The following ARHGAP12 variants were observed in gnomAD, a reference collection of about 807,000 sequenced individuals.
ARHGAP12 encodes rho GTPase-activating protein 12.
In ARHGAP12, 64 loss-of-function variants were observed where a neutral mutation model predicts 108.6. The ratio of observed to expected loss-of-function variants is 0.59; its 90% CI spans 0.48 to 0.73. ARHGAP12 has a LOEUF of 0.73. Among genes scored for constraint, ARHGAP12 ranks in the 30% least tolerant of loss-of-function variants. The pLI is 0.00. For synonymous variants in ARHGAP12, 312 were observed against 337.2 expected (o/e 0.93, Z 0.82); for missense variants, 940 against 1,005.9 (o/e 0.93, Z 0.89).
chr10:31,822,204 G>C (rs1277413540), intron 11 of ARHGAP12, among the ~76,000 whole-genome samples: 1 of 152,124 alleles, frequency 6.6e-6, no homozygotes, highest in African/African-American at 2.4e-5. Flanking sequence ...AAAGAAAACA[G>C]AATTATTGTG....
intron 1 of ARHGAP12, among the ~76,000 whole-genome samples, chr10:31,916,192 C>T (rs975896760): frequency 6.6e-6 from 1 of 152,140 alleles, no homozygotes. Context: ...CTACTAAGTA[C>T]CCAACTCCCA....
chr10:31,809,987 T>C lies in ARHGAP12; in HGVS notation c.2050+662A>G, dbSNP rs532804849. Among the ~76,000 whole-genome samples the C allele has an allele frequency of 7.2e-5, 11 of 152,276 alleles. No individual in the cohort carries two copies. The East Asian group carries it at 1.4e-3, about 19-fold the overall frequency. ...ATAGTGTAGTATCCCTATTGCCATG[T>C]TGACAAGAAGAGTCAGTGGGACAAG... is the stretch of plus-strand genomic sequence containing the variant. On this transcript the variant is annotated intron_variant, in intron 16 of 19. Coordinates refer to ENST00000344936, the MANE Select transcript of ARHGAP12 (RefSeq NM_018287.7).
chr10:31,849,833 T>C (rs1487660770), intron 6 of ARHGAP12, among the ~76,000 whole-genome samples: 1 of 152,210 alleles, frequency 6.6e-6, no homozygotes. Flanking sequence ...CTTTGAGGTC[T>C]TGATTCAGTC....
At chr10:31,914,719 A>G (rs1212495228) in intron 1 of ARHGAP12, among the ~76,000 whole-genome samples, 1 of 152,194 alleles carries the variant, frequency 6.6e-6, no homozygotes, top group Non-Finnish European at 1.5e-5. Flanking sequence ...GCCATAATGG[A>G]AAACAATATG....
At chr10:31,853,275 A>G (rs997548144) in intron 5 of ARHGAP12, among the ~76,000 whole-genome samples, 19 of 152,228 alleles carry the variant, frequency 1.2e-4, no homozygotes, top group African/African-American at 4.6e-4. Flanking sequence ...TTTTTCAATT[A>G]AATGTACAAC....
intron 3 of ARHGAP12, among the ~76,000 whole-genome samples, chr10:31,899,666 T>C (rs1447004397): frequency 6.6e-6 from 1 of 152,130 alleles, no homozygotes; most frequent in Non-Finnish European, 1.5e-5. Context: ...AACAATTAGA[T>C]GGATATATGC....
intron 3 of ARHGAP12, among the ~76,000 whole-genome samples, chr10:31,871,163 C>G: frequency 6.6e-6 from 1 of 152,112 alleles, no homozygotes; most frequent in East Asian, 1.9e-4. Context: ...AGGCGCAAGT[C>G]AAGAGAGTAG....
intron 3 of ARHGAP12, among the ~76,000 whole-genome samples, chr10:31,881,439 T>C (rs1354428418): frequency 6.6e-6 from 1 of 152,242 alleles, no homozygotes; most frequent in Admixed American, 6.5e-5. Flanking sequence ...TTAAGACTTT[T>C]TGCTTACTGC....
intron 6 of ARHGAP12, among the ~76,000 whole-genome samples, chr10:31,847,217 C>T (rs949558765): frequency 1.3e-5 from 2 of 152,048 alleles, no homozygotes; most frequent in African/African-American, 4.8e-5. Context: ...GGTGTGTCAC[C>T]AACCTACTGA....
Position 31,852,530 on chromosome 10 carries a change from C to T in ARHGAP12, c.1157G>A (p.Trp386Ter). Residue 386 changes from tryptophan (W) to a stop codon, truncating the protein, a stop_gained, in exon 6 of 20, where the codon TGG becomes TAG. Coordinates refer to ENST00000344936, the MANE Select transcript of ARHGAP12 (RefSeq NM_018287.7). LOFTEE classifies it high-confidence loss of function. Reference protein sequence around the residue: ...YYSADGSRSEWELPKYNASSQ... With the variant: ...YYSADGSRSE ...AAGGTTTATTACCTTTGGCAATTCC[C>T]ATTCTGACCGAGATCCGTCTGCACT... 1 of 1,610,660 alleles carries T rather than the reference C, an allele frequency of 6.2e-7. No homozygotes were observed. The highest frequency in any genetic ancestry group is 8.5e-7 in the Non-Finnish European group (1 of 1,177,084).
chr10:31,818,946 C>T (rs1474936490), intron 12 of ARHGAP12, among the ~76,000 whole-genome samples: 1 of 152,024 alleles, frequency 6.6e-6, no homozygotes, highest in African/African-American at 2.4e-5. Flanking sequence ...ATGCACTTTT[C>T]TAGTGTTGGT....
At chr10:31,887,047 T>C (rs1838215715) in intron 3 of ARHGAP12, among the ~76,000 whole-genome samples, 1 of 152,184 alleles carries the variant, frequency 6.6e-6, no homozygotes, top group Non-Finnish European at 1.5e-5. Flanking sequence ...TGTGTGTGTA[T>C]ACATACAGGG....
chr10:31,812,066 G>T (rs1229966057), intron 15 of ARHGAP12, among the ~76,000 whole-genome samples: 1 of 152,110 alleles, frequency 6.6e-6, no homozygotes, highest in East Asian at 1.9e-4. Context: ...ATACATTATA[G>T]ACTATATTAT....
chr10:31,870,373 G>A (rs1166913952), intron 3 of ARHGAP12, among the ~76,000 whole-genome samples: 3 of 151,938 alleles, frequency 2.0e-5, no homozygotes, highest in Non-Finnish European at 4.4e-5. Context: ...TGGGATTACA[G>A]GCATGCGCCA....
chr10:31,918,585 T>A (rs1839662313), intron 1 of ARHGAP12, among the ~76,000 whole-genome samples: 1 of 152,214 alleles, frequency 6.6e-6, no homozygotes, highest in African/African-American at 2.4e-5. Context: ...CACATGCCTG[T>A]AGCCCTAGCT....
intron 3 of ARHGAP12, among the ~76,000 whole-genome samples, chr10:31,874,993 AAAAAAAAAAT>A (rs1396358723): frequency 4.0e-5 from 6 of 151,030 alleles, no homozygotes; most frequent in South Asian, 2.1e-4. Flanking sequence ...AAAAAAAAAA[AAAAAAAAAAT>A]TTTCACACAC....
At chr10:31,845,800 G>C (rs1333878138) in intron 6 of ARHGAP12, among the ~76,000 whole-genome samples, 1 of 152,000 alleles carries the variant, frequency 6.6e-6, no homozygotes, top group African/African-American at 2.4e-5. Context: ...AATAAAGAAA[G>C]AAAGAATAGT....
chr10:31,895,250 G>T (rs1270010076), intron 3 of ARHGAP12, among the ~76,000 whole-genome samples: 1 of 152,136 alleles, frequency 6.6e-6, no homozygotes, highest in Non-Finnish European at 1.5e-5. Context: ...TTGACAAATG[G>T]GATCGAATTA....
At chr10:31,846,740 T>G (rs1320793998) in intron 6 of ARHGAP12, among the ~76,000 whole-genome samples, 1 of 152,262 alleles carries the variant, frequency 6.6e-6, no homozygotes, top group East Asian at 1.9e-4. Flanking sequence ...TTCAGCTTCT[T>G]GAGTCTGTTG....
Sources: allele counts gnomAD v4.1 joint callset (sites outside exome capture counted in the v4.1 genomes callset), GRCh38; gene constraint gnomAD v4.1.1; transcripts MANE v1.5; gene names NCBI Gene and HGNC (gene_info 2026-07-23, HGNC 2026-07-21).